Variants in COL11A2 observed in about 807,000 individuals in gnomAD.
The protein encoded by COL11A2 is collagen type XI alpha 2 chain.
COL11A2 carries 116 observed loss-of-function variants against 273.4 expected under a neutral mutation model. The ratio of observed to expected loss-of-function variants is 0.42; its 90% confidence interval spans 0.36 to 0.49. COL11A2 has a LOEUF of 0.49. Ranked by LOEUF, COL11A2 falls within the 20% of genes least tolerant of loss-of-function variation. The probability of loss-of-function intolerance (pLI) is 0.00; values close to 1 mark genes in which losing one functional copy is unlikely to be tolerated. For synonymous variants in COL11A2, 782 were observed against 864.2 expected (o/e 0.90, Z 1.67); for missense variants, 1,866 against 2,309.0 (o/e 0.81, Z 3.93).
rs766620510 is a variant in COL11A2, at chr6:33,169,922, C to T, written c.3637-38G>A. On this transcript the variant is annotated intron_variant, in intron 49 of 65. Transcript: ENST00000341947. The surrounding 1 kb of genome is among the most constrained non-coding windows in gnomAD (Gnocchi z 5.5). ...TAGAGTCAAAAACCTCCTCTCCTTC[C>T]CCAGCCAAAAAATTCTGATATTCCC... 104 of 1,613,930 alleles carry T rather than the reference C, an allele frequency of 6.4e-5. No homozygotes were observed. Among genetic ancestry groups the T allele is most frequent in the Non-Finnish European group, 8.4e-5 (99 of 1,179,926 alleles).
Position 33,178,919 on chromosome 6 carries a change from C to T in COL11A2, c.1665+1G>A. On this transcript the variant is annotated splice_donor_variant, in intron 17 of 65. Transcript: ENST00000341947. LOFTEE classifies it high-confidence loss of function. This position sits in a 1 kb window ranked among gnomAD's most constrained non-coding sequence, Gnocchi z 4.6. ...TTCAGGGAGGGGCCCAAGCCTGTTA[C>T]CTTCACTCCAGGATCTCCAGGCATC... The T allele has an allele frequency of 6.2e-7, 1 of 1,613,986 alleles. No homozygotes were observed. The highest frequency in any genetic ancestry group is 8.5e-7 in the Non-Finnish European group (1 of 1,179,980).
Position 33,178,297 on chromosome 6 carries a change from T to C in COL11A2, c.1818+11A>G. ...AGCCCCCTCCCCCAGCACCAGCCCT[T>C]GGACACTCACCGACTCTCCAGGCAG... On this transcript the variant is annotated intron_variant, in intron 20 of 65. Transcript: ENST00000341947. The surrounding 1 kb of genome is among the most constrained non-coding windows in gnomAD (Gnocchi z 4.6). 5 of 1,612,762 alleles carry C rather than the reference T, an allele frequency of 3.1e-6. No homozygotes were observed. The highest frequency in any genetic ancestry group is 3.4e-6 in the Non-Finnish European group (4 of 1,179,910).
rs776406862 is a variant in COL11A2, at chr6:33,167,474, T to C, written c.4074A>G (p.Pro1358=). The C allele has an allele frequency of 6.2e-7, 1 of 1,612,798 alleles. No homozygotes were observed. Among genetic ancestry groups the C allele is most frequent in the Admixed American group, 1.7e-5 (1 of 60,028 alleles). Residue 1358 remains proline, a synonymous_variant, in exon 56 of 66, where the codon CCA becomes CCG. Transcript: ENST00000341947. This position sits in a 1 kb window ranked among gnomAD's most constrained non-coding sequence, Gnocchi z 6.1. ...GACCATCAGGGCCAGGTTTCCCTGC[T>C]GGGCCTGCAGGACCCACCGGGCCTG... The part of the protein sequence containing the change: ...GKTGPVGPAG[P]AGKPGPDGLR...
At chr6:33,186,567 G>T (rs1481604828) in intron 5 of COL11A2, 60 bp downstream of exon 5, 2 of 1,613,464 alleles carry the variant, frequency 1.2e-6, no homozygotes, top group African/African-American at 2.7e-5. Flanking sequence ...GAGGAGAGAT[G>T]CCTGGGTGTC....
chr6:33,174,171 T>C lies in COL11A2; in HGVS notation c.2478A>G (p.Gly826=), dbSNP rs1181986060. ...PGFPGASGEK[G]ARGLSGKSGP... ...CTCCCACCCCCCAGCTTACCCGGGC[T>C]CCCTTCTCTCCACTGGCACCAGGAA... Residue 826 remains glycine, a synonymous_variant, in exon 32 of 66, where the codon GGA becomes GGG. Coordinates refer to ENST00000341947, the MANE Select transcript of COL11A2 (RefSeq NM_080680.3). 2 of 1,584,316 alleles carry C rather than the reference T, an allele frequency of 1.3e-6. No individual in the cohort carries two copies. Among genetic ancestry groups the C allele is most frequent in the African/African-American group, 2.7e-5 (2 of 73,496 alleles).
In COL11A2 at chr6:33,181,166, G is replaced by A. The variant is rs747768172; in HGVS notation, c.1124C>T (p.Ala375Val). Reference protein sequence around the residue: ...SAETAHSGAAAHGPRGLKGEK... With the variant: ...SAETAHSGAAVHGPRGLKGEK... ...TCCCTTCAGCCCTCGGGGTCCATGGGCAGCCTGAAGGAGACACACATGTAG... is the reference window on the plus strand; with the variant it reads ...TCCCTTCAGCCCTCGGGGTCCATGGACAGCCTGAAGGAGACACACATGTAG... Residue 375 changes from alanine to valine, a missense_variant, in exon 9 of 66, where the codon GCC (alanine) becomes GTC (valine). Transcript: ENST00000341947. The A allele has an allele frequency of 6.2e-7, 1 of 1,614,156 alleles. No individual in the cohort carries two copies. The highest frequency in any genetic ancestry group is 8.5e-7 in the Non-Finnish European group (1 of 1,180,046).
Position 33,163,427 on chromosome 6 carries a change from A to C in COL11A2, c.*251T>G. The C allele has an allele frequency of 1.7e-6, 1 of 583,060 alleles. No homozygotes were observed. Among genetic ancestry groups the C allele is most frequent in the Non-Finnish European group, 3.1e-6 (1 of 325,206 alleles). 36.1% of individuals were successfully genotyped at this position (583,060 alleles called of 1,614,324 possible). A position where few individuals can be genotyped will look rare whatever the true frequency, so the allele number is the denominator to read the frequency against. On this transcript the variant is annotated 3_prime_UTR_variant, in exon 66 of 66. Coordinates refer to ENST00000341947, the MANE Select transcript of COL11A2 (RefSeq NM_080680.3). The surrounding 1 kb of genome is among the most constrained non-coding windows in gnomAD (Gnocchi z 4.1). Reference sequence around the variant, plus strand: ...GTGATTGGGAGGTGAGTTTTAAATAAGGGTCTCAGCTCTCTAACGGGTAAC... The same window carrying C: ...GTGATTGGGAGGTGAGTTTTAAATACGGGTCTCAGCTCTCTAACGGGTAAC...
rs747175509 is a variant in COL11A2, at chr6:33,189,224, C to T, written c.233-36G>A. ...AGAGAGATACACACAGAGTGAGAGG[C>T]AAAGGGAGCCGCCACAACCCCTTTC... On this transcript the variant is annotated intron_variant, in intron 2 of 65. Transcript: ENST00000341947. The surrounding 1 kb of genome is among the most constrained non-coding windows in gnomAD (Gnocchi z 5.6). 1.9e-5 allele frequency: 31 copies of T among 1,610,038 alleles called. No homozygotes were observed. In the South Asian group the frequency reaches 3.2e-4, roughly 17 times the overall value.
Position 33,171,552 on chromosome 6 carries a change from G to A in COL11A2, c.3173C>T (p.Pro1058Leu), listed in dbSNP as rs562253142. The change falls in exon 43 of 66, where the codon CCG becomes CTG. Residue 1058 changes from proline to leucine, a missense_variant. Transcript: ENST00000341947. Reference sequence around the variant, plus strand: ...ACCCTGCACTCCATCTCGGCCAGTCGGGCCAATGGGGCCCTTCTCACCCTG... The same window carrying A: ...ACCCTGCACTCCATCTCGGCCAGTCAGGCCAATGGGGCCCTTCTCACCCTG... ...GVPGEKGPIG[P>L]TGRDGVQGPV... 35 of 1,613,876 alleles carry A rather than the reference G, an allele frequency of 2.2e-5. No individual in the cohort carries two copies. The highest frequency in any genetic ancestry group is 1.8e-4 in the East Asian group (8 of 44,856).
rs1186526821 is a variant in COL11A2, at chr6:33,171,258, C to T, written c.3312+13G>A. 6.2e-7 allele frequency: 1 copy of T among 1,614,194 alleles called. No individual in the cohort carries two copies. The highest frequency in any genetic ancestry group is 8.5e-7 in the Non-Finnish European group (1 of 1,180,018). On this transcript the variant is annotated intron_variant, in intron 44 of 65. Transcript: ENST00000341947. ...AGGCCAGGAGGTCAGAAGTCAAGGT[C>T]ATGGACACTTACATGTTCACCCTTG...
Position 33,176,117 on chromosome 6 carries a change from G to A in COL11A2, c.2215-48C>T. On this transcript the variant is annotated intron_variant, in intron 28 of 65. Transcript: ENST00000341947. This position sits in a 1 kb window ranked among gnomAD's most constrained non-coding sequence, Gnocchi z 4.9. Reference sequence around the variant, plus strand: ...GGCACCACAGATGACAGAGGGCTGGGGTTCTAATGGGAATTCTGAGAACAT... The same window carrying A: ...GGCACCACAGATGACAGAGGGCTGGAGTTCTAATGGGAATTCTGAGAACAT... The A allele has an allele frequency of 6.2e-7, 1 of 1,611,372 alleles. No individual in the cohort carries two copies. Among genetic ancestry groups the A allele is most frequent in the Non-Finnish European group, 8.5e-7 (1 of 1,178,504 alleles).
chr6:33,180,541 G>A (rs1442439424), intron 11 of COL11A2, 127 bp downstream of exon 11: 2 of 1,019,402 alleles, frequency 2.0e-6, no homozygotes, highest in Non-Finnish European at 2.9e-6. Context: ...TGGTTGCTGG[G>A]AAGCACAACC....
intron 8 of COL11A2, among the ~76,000 whole-genome samples, chr6:33,182,053 T>C (rs1014448148): frequency 5.3e-5 from 8 of 152,158 alleles, no homozygotes; most frequent in Middle Eastern, 3.4e-3. Context: ...GGCAGGCAGA[T>C]CACCTGAGGT....
In COL11A2 at chr6:33,164,349, G is replaced by A. The variant is rs1382289889; in HGVS notation, c.4988C>T (p.Pro1663Leu). The A allele has an allele frequency of 1.2e-6, 2 of 1,612,830 alleles. No homozygotes were observed. The highest frequency in any genetic ancestry group is 1.7e-6 in the Non-Finnish European group (2 of 1,179,928). ...YPCSGAARDG[P>L]LRLRGANEDE... Reference sequence around the variant, plus strand: ...CTCATTGGCCCCACGGAGTCTCAGGGGACCGTCACGGGCTGCTCCAGAGCA... The same window carrying A: ...CTCATTGGCCCCACGGAGTCTCAGGAGACCGTCACGGGCTGCTCCAGAGCA... The change falls in exon 65 of 66, where the codon CCC becomes CTC. Residue 1663 changes from proline to leucine, a missense_variant. Physicochemically the swap from Pro to Leu is moderately conservative, Grantham distance 98. Coordinates refer to ENST00000341947, the MANE Select transcript of COL11A2 (RefSeq NM_080680.3). This position sits in a 1 kb window ranked among gnomAD's most constrained non-coding sequence, Gnocchi z 4.7.
At chr6:33,186,938 G>T in intron 4 of COL11A2, 120 bp from the exon 5 acceptor site, 1 of 1,356,388 alleles carries the variant, frequency 7.4e-7, no homozygotes, top group Non-Finnish European at 1.0e-6. Flanking sequence ...GAAGGTCACT[G>T]TCAGTCCTCC....
Position 33,177,486 on chromosome 6 carries a change from A to C in COL11A2, c.1918-21T>G, listed in dbSNP as rs1190471399. Reference sequence around the variant, plus strand: ...GGTCCCTAGAAACAGGTGACCAGGCACAGGTCAGAAGGAGATGGAGATAGA... The same window carrying C: ...GGTCCCTAGAAACAGGTGACCAGGCCCAGGTCAGAAGGAGATGGAGATAGA... On this transcript the variant is annotated intron_variant, in intron 22 of 65. Coordinates refer to ENST00000341947, the MANE Select transcript of COL11A2 (RefSeq NM_080680.3). This position sits in a 1 kb window ranked among gnomAD's most constrained non-coding sequence, Gnocchi z 5.9. The C allele has an allele frequency of 1.2e-6, 2 of 1,612,158 alleles. No individual in the cohort carries two copies. The highest frequency in any genetic ancestry group is 2.7e-5 in the African/African-American group (2 of 74,908).
intron 5 of COL11A2, 126 bp downstream of exon 5, chr6:33,186,501 G>T (rs1772435519): frequency 1.3e-6 from 2 of 1,559,272 alleles, no homozygotes; most frequent in Admixed American, 2.0e-5. Context: ...GATGAATGAG[G>T]ACTAGGAGGA....
Position 33,177,124 on chromosome 6 carries a change from G to A in COL11A2, c.2016+57C>T, listed in dbSNP as rs1265853244. 15 of 1,612,346 alleles carry A rather than the reference G, an allele frequency of 9.3e-6. No homozygotes were observed. The South Asian group carries it at 1.6e-4, about 18-fold the overall frequency. ...GACAAAATCCCAGCAGACATTTAGG[G>A]TTCTCCCTACATCCCCACTCTAAAC... On this transcript the variant is annotated intron_variant, in intron 24 of 65. Transcript: ENST00000341947. This position sits in a 1 kb window ranked among gnomAD's most constrained non-coding sequence, Gnocchi z 5.9.
intron 1 of COL11A2, among the ~76,000 whole-genome samples, chr6:33,191,488 A>C (rs1166060182): frequency 6.6e-5 from 10 of 152,230 alleles, no homozygotes; most frequent in Non-Finnish European, 1.2e-4. Flanking sequence ...CCAGGGTCCC[A>C]GGGGAGCCTG....
Sources: gnomAD v4.1 joint callset for allele counts (sites outside exome capture counted in the v4.1 genomes callset) on GRCh38, gnomAD v4.1.1 for gene constraint, Gnocchi (gnomAD v3.1) non-coding constraint, MANE v1.5 for transcripts, NCBI Gene and HGNC (gene_info 2026-07-23, HGNC 2026-07-21) for gene names.